The following FER variants were observed in gnomAD, a reference collection of about 807,000 sequenced individuals.
FER encodes the protein FER tyrosine kinase, also known as tyrosine-protein kinase Fer.
Under a neutral mutation model 111.0 loss-of-function variants are expected in FER, and 63 were observed. The ratio of observed to expected loss-of-function variants is 0.57; its 90% CI spans 0.46 to 0.70. FER has a LOEUF of 0.70. Ranked by LOEUF, FER falls within the 30% of genes least tolerant of loss-of-function variation. The pLI is 0.00. For synonymous variants in FER, 327 were observed against 313.9 expected (o/e 1.04, Z -0.44); for missense variants, 914 against 954.0 (o/e 0.96, Z 0.55).
At chr5:109,014,400 G>A (rs1208897748) in intron 13 of FER, among the ~76,000 whole-genome samples, 3 of 152,148 alleles carry the variant, frequency 2.0e-5, no homozygotes, top group Admixed American at 6.5e-5. Flanking sequence ...GTAGATATAC[G>A]GCCTTATTTC....
chr5:108,970,471 C>T (rs1048568502), intron 13 of FER, among the ~76,000 whole-genome samples: 1 of 152,082 alleles, frequency 6.6e-6, no homozygotes, highest in East Asian at 1.9e-4. Flanking sequence ...CCATCAGCCT[C>T]GGCCTCCCAA....
chr5:108,759,126 G>A (rs544668010), intron 1 of FER, among the ~76,000 whole-genome samples: 2 of 152,164 alleles, frequency 1.3e-5, no homozygotes, highest in Non-Finnish European at 2.9e-5. Context: ...ATTAATTGTA[G>A]TAAGGCCAGT....
chr5:109,099,990 C>A (rs1748024755), intron 16 of FER, among the ~76,000 whole-genome samples: 1 of 151,472 alleles, frequency 6.6e-6, no homozygotes, highest in East Asian at 1.9e-4. Context: ...TTGTAATTAG[C>A]TTTTATAATT....
intron 2 of FER, among the ~76,000 whole-genome samples, chr5:108,796,724 A>C (rs1426191866): frequency 2.0e-5 from 3 of 151,998 alleles, no homozygotes; most frequent in Admixed American, 6.5e-5. Flanking sequence ...TCCTTCAGTC[A>C]GATTGTGGTG....
At chr5:108,973,170 G>T (rs74895173) in intron 13 of FER, among the ~76,000 whole-genome samples, 1,537 of 152,184 alleles carry the variant, frequency 0.01, 22 homozygotes, top group African/African-American at 0.035. Context: ...CATTTGAAAA[G>T]TGAGAATGAT....
chr5:109,092,702 T>C (rs1204223593), intron 16 of FER, among the ~76,000 whole-genome samples: 1 of 152,118 alleles, frequency 6.6e-6, no homozygotes, highest in Non-Finnish European at 1.5e-5. Flanking sequence ...AGTATGGAGC[T>C]TCCTCAAAAA....
chr5:108,759,421 T>C (rs954534938), intron 1 of FER, among the ~76,000 whole-genome samples: 11 of 152,362 alleles, frequency 7.2e-5, no homozygotes, highest in Admixed American at 2.0e-4. Context: ...AGAACTGTTA[T>C]AGCTTCTACC....
chr5:108,826,788 A>G (rs1759517919), intron 3 of FER, among the ~76,000 whole-genome samples: 1 of 152,184 alleles, frequency 6.6e-6, no homozygotes, highest in South Asian at 2.1e-4. Flanking sequence ...GTTTTAGTCT[A>G]GTCAGAATTT....
At chr5:108,815,070 G>A (rs1272553337) in intron 3 of FER, among the ~76,000 whole-genome samples, 1 of 151,984 alleles carries the variant, frequency 6.6e-6, no homozygotes, top group Non-Finnish European at 1.5e-5. Flanking sequence ...TTTTCCCTAG[G>A]AGTCCTGGTT....
At chr5:109,035,771 C>T (rs1770299724) in intron 13 of FER, among the ~76,000 whole-genome samples, 1 of 152,188 alleles carries the variant, frequency 6.6e-6, no homozygotes, top group African/African-American at 2.4e-5. Flanking sequence ...GCATTTTCAC[C>T]AGCGATACAT....
intron 2 of FER, among the ~76,000 whole-genome samples, chr5:108,790,006 A>G (rs1027585232): frequency 6.6e-6 from 1 of 152,180 alleles, no homozygotes; most frequent in Non-Finnish European, 1.5e-5. Context: ...ATGAACCACA[A>G]TATCAGATAC....
intron 18 of FER, 50 bp from the exon 19 acceptor site, chr5:109,186,150 C>T (rs1299286052): frequency 2.5e-6 from 4 of 1,613,554 alleles, no homozygotes; most frequent in Non-Finnish European, 3.4e-6. Context: ...GAAGGGTCAC[C>T]TACTTGTCTA....
chr5:108,964,346 T>G (rs1025670024), intron 13 of FER, among the ~76,000 whole-genome samples: 1 of 152,148 alleles, frequency 6.6e-6, no homozygotes, highest in Non-Finnish European at 1.5e-5. Context: ...GAGACGTAAA[T>G]GGAAACAGGG....
chr5:108,935,401 A>T (rs1008256029), intron 10 of FER, among the ~76,000 whole-genome samples: 3 of 152,054 alleles, frequency 2.0e-5, no homozygotes, highest in Non-Finnish European at 4.4e-5. Context: ...TCTTACGAGG[A>T]AACTTGTCAT....
intron 13 of FER, among the ~76,000 whole-genome samples, chr5:109,002,526 GA>G (rs1321645067): frequency 6.6e-6 from 1 of 151,996 alleles, no homozygotes; most frequent in African/African-American, 2.4e-5. Context: ...AACCCTAGAA[GA>G]AAACCTAGGC....
At chr5:108,844,077 C>CATATATATGTGTGTGAAT (rs764968790) in intron 5 of FER, among the ~76,000 whole-genome samples, 1 of 131,278 alleles carries the variant, frequency 7.6e-6, no homozygotes, top group Non-Finnish European at 1.7e-5. Context: ...TGTGTGTGAA[C>CATATATATGTGTGTGAAT]ATATATGCGT....
intron 13 of FER, among the ~76,000 whole-genome samples, chr5:108,970,645 A>G (rs1366773823): frequency 6.6e-6 from 1 of 152,188 alleles, no homozygotes; most frequent in Admixed American, 6.5e-5. Context: ...AGTATGTGTT[A>G]CGGGAATTCA....
At chr5:109,047,624 G>A (rs1404451557) in intron 16 of FER, among the ~76,000 whole-genome samples, 1 of 151,900 alleles carries the variant, frequency 6.6e-6, no homozygotes, top group Non-Finnish European at 1.5e-5. Context: ...TTGTAGAAAT[G>A]GAGTCTCACT....
At chr5:109,066,136 T>C (rs1379438939) in intron 16 of FER, among the ~76,000 whole-genome samples, 4 of 152,210 alleles carry the variant, frequency 2.6e-5, no homozygotes, top group Admixed American at 6.5e-5. Flanking sequence ...TCTGTGTTTG[T>C]CTGCGTTAGT....
Sources: gnomAD v4.1 joint callset for allele counts (sites outside exome capture counted in the v4.1 genomes callset) on GRCh38, gnomAD v4.1.1 for gene constraint, MANE v1.5 for transcripts, NCBI Gene and HGNC (gene_info 2026-07-23, HGNC 2026-07-21) for gene names.